The following CNTNAP2 variants were observed in gnomAD, a reference collection of about 807,000 sequenced individuals.
The protein encoded by CNTNAP2 is contactin-associated protein-like 2.
CNTNAP2 carries 98 observed loss-of-function variants against 155.2 expected under a neutral mutation model. That is an observed-to-expected ratio of 0.63 (90% CI 0.54 to 0.75). The LOEUF (loss-of-function observed/expected upper bound fraction) is 0.75. Ranked by LOEUF, CNTNAP2 falls within the 30% of genes least tolerant of loss-of-function variation. CNTNAP2 has a pLI of 0.00. For missense variants in CNTNAP2, 1,727 were observed against 1,688.1 expected, an observed-to-expected ratio of 1.02 and a Z score of -0.40; for synonymous variants, 651 against 631.2, an observed-to-expected ratio of 1.03 and a Z score of -0.47.
At chr7:148,096,540 T>G (rs1310413053) in intron 15 of CNTNAP2, among the ~76,000 whole-genome samples, 1 of 151,802 alleles carries the variant, frequency 6.6e-6, no homozygotes, top group Admixed American at 6.6e-5. Flanking sequence ...AAAACAGGGG[T>G]GAATATTCAT....
chr7:147,691,140 T>G (rs1796081198), intron 13 of CNTNAP2, among the ~76,000 whole-genome samples: 1 of 152,056 alleles, frequency 6.6e-6, no homozygotes, highest in African/African-American at 2.4e-5. Context: ...TCAATTGGAT[T>G]AATTTGATTA....
chr7:147,360,603 G>A (rs1796132607), intron 9 of CNTNAP2, among the ~76,000 whole-genome samples: 1 of 151,528 alleles, frequency 6.6e-6, no homozygotes, highest in Non-Finnish European at 1.5e-5. Flanking sequence ...TATCCTCAGT[G>A]TACCACATTC....
At chr7:147,652,254 A>G (rs1795460758) in intron 13 of CNTNAP2, among the ~76,000 whole-genome samples, 1 of 152,174 alleles carries the variant, frequency 6.6e-6, no homozygotes. Flanking sequence ...ACAATGAATA[A>G]TGTTGCAGAG....
At chr7:147,395,994 T>A (rs1217635209) in intron 10 of CNTNAP2, among the ~76,000 whole-genome samples, 1 of 149,448 alleles carries the variant, frequency 6.7e-6, no homozygotes, top group Non-Finnish European at 1.5e-5. Flanking sequence ...ATCTATCATG[T>A]ATATCATATA....
chr7:147,664,337 C>G lies in CNTNAP2; in HGVS notation c.2098+25031C>G, dbSNP rs141960386. On this transcript the variant is annotated intron_variant, in intron 13 of 23. Coordinates refer to ENST00000361727, the MANE Select transcript of CNTNAP2 (RefSeq NM_014141.6). The stretch of plus-strand genomic sequence containing the variant: ...GACAGGAAGAGTGAAGAAGAGAACG[C>G]TGTTTCCTCGTAGCCCCAAATAACA... Among the ~76,000 whole-genome samples, 1,428 of 152,290 alleles carry G rather than the reference C, an allele frequency of 9.4e-3. 29 individuals are homozygous for G. Among genetic ancestry groups the G allele is most frequent in the African/African-American group, 0.032 (1,348 of 41,564 alleles).
chr7:148,203,459 T>C (rs1483487568), intron 18 of CNTNAP2, among the ~76,000 whole-genome samples: 2 of 152,212 alleles, frequency 1.3e-5, no homozygotes, highest in Non-Finnish European at 2.9e-5. Flanking sequence ...GAGAAATGAA[T>C]GTGGGCCAGG....
intron 13 of CNTNAP2, among the ~76,000 whole-genome samples, chr7:147,800,716 A>G (rs1584961632): frequency 6.6e-6 from 1 of 152,232 alleles, no homozygotes; most frequent in Non-Finnish European, 1.5e-5. Context: ...CCCAGCATGG[A>G]CCTTCACTGC....
intron 13 of CNTNAP2, among the ~76,000 whole-genome samples, chr7:147,741,458 A>C (rs893911087): frequency 6.6e-6 from 1 of 152,240 alleles, no homozygotes; most frequent in African/African-American, 2.4e-5. Context: ...CTGGCATAAG[A>C]AGCAAATAAT....
chr7:147,778,879 A>G (rs745433765), intron 13 of CNTNAP2, among the ~76,000 whole-genome samples: 37 of 152,130 alleles, frequency 2.4e-4, no homozygotes, highest in Non-Finnish European at 4.6e-4. Flanking sequence ...AAACATAGGA[A>G]TTTTCTTACT....
intron 1 of CNTNAP2, among the ~76,000 whole-genome samples, chr7:146,300,713 T>C (rs545536543): frequency 2.0e-5 from 3 of 152,168 alleles, no homozygotes; most frequent in Admixed American, 1.3e-4. Context: ...AATTTGGAAA[T>C]TTATAAGTTG....
At chr7:148,150,621 A>G (rs961384211) in intron 17 of CNTNAP2, among the ~76,000 whole-genome samples, 1 of 152,190 alleles carries the variant, frequency 6.6e-6, no homozygotes, top group African/African-American at 2.4e-5. Flanking sequence ...CTTATCTCCA[A>G]ACTATTCAGT....
intron 3 of CNTNAP2, among the ~76,000 whole-genome samples, chr7:146,842,287 C>CA (rs1192732222): frequency 6.6e-6 from 1 of 152,100 alleles, no homozygotes; most frequent in African/African-American, 2.4e-5. Flanking sequence ...GCTGGGTCTA[C>CA]TTATAGGGCT....
intron 8 of CNTNAP2, among the ~76,000 whole-genome samples, chr7:147,241,251 G>GTCA (rs1282499309): frequency 6.6e-6 from 1 of 152,144 alleles, no homozygotes; most frequent in African/African-American, 2.4e-5. Context: ...AGAATTCTGG[G>GTCA]TCATTCTCCC....
rs143099907 is a variant in CNTNAP2, at chr7:146,490,798, C to T, written c.98-283473C>T. Among the ~76,000 whole-genome samples, 30 of 152,240 alleles carry T rather than the reference C, an allele frequency of 2.0e-4. No individual in the cohort carries two copies. The East Asian group carries it at 5.8e-3, about 29-fold the overall frequency. Reference sequence around the variant, plus strand: ...GTAGTTTATTCACCTTACTAGACCTCAGTATCCACTTTAAAATGAAGATTT... The same window carrying T: ...GTAGTTTATTCACCTTACTAGACCTTAGTATCCACTTTAAAATGAAGATTT... On this transcript the variant is annotated intron_variant, in intron 1 of 23. Coordinates refer to ENST00000361727, the MANE Select transcript of CNTNAP2 (RefSeq NM_014141.6).
At chr7:146,590,037 T>C (rs1256113084) in intron 1 of CNTNAP2, among the ~76,000 whole-genome samples, 2 of 152,200 alleles carry the variant, frequency 1.3e-5, no homozygotes, top group Non-Finnish European at 2.9e-5. Flanking sequence ...GAGGAATGAA[T>C]TTTAGCTGTG....
chr7:146,612,221 A>G (rs1019202958), intron 1 of CNTNAP2, among the ~76,000 whole-genome samples: 1 of 110,144 alleles, frequency 9.1e-6, no homozygotes, highest in African/African-American at 4.3e-5. Flanking sequence ...GTTAACAGAT[A>G]TGTGATTTAT....
intron 3 of CNTNAP2, among the ~76,000 whole-genome samples, chr7:146,921,165 AG>A (rs1185771703): frequency 6.6e-6 from 1 of 152,118 alleles, no homozygotes; most frequent in East Asian, 1.9e-4. Flanking sequence ...AGGCACAGTG[AG>A]GTGTTATGGG....
intron 15 of CNTNAP2, among the ~76,000 whole-genome samples, chr7:147,999,284 T>C (rs943641281): frequency 2.2e-4 from 34 of 152,224 alleles, no homozygotes; most frequent in African/African-American, 8.2e-4. Context: ...GGTTTCACCA[T>C]GTTGGCCAGA....
chr7:146,711,067 A>G (rs755984123), intron 1 of CNTNAP2, among the ~76,000 whole-genome samples: 26 of 151,640 alleles, frequency 1.7e-4, no homozygotes, highest in Non-Finnish European at 1.6e-4. Flanking sequence ...GGTTGGCAAG[A>G]TGCAAGTTCT....
Sources: gnomAD v4.1 joint callset for allele counts (sites outside exome capture counted in the v4.1 genomes callset) on GRCh38, gnomAD v4.1.1 for gene constraint, MANE v1.5 for transcripts, NCBI Gene and HGNC (gene_info 2026-07-23, HGNC 2026-07-21) for gene names.